The following AMER2 variants were observed in gnomAD, a reference collection of about 807,000 sequenced individuals.
The protein encoded by AMER2 is family with sequence similarity 123A.
In AMER2, 1 loss-of-function variant was observed where a neutral mutation model predicts 4.7. That is an observed-to-expected ratio of 0.21 (90% CI 0.07 to 1.00). AMER2 has a LOEUF of 1.00. Ranked by LOEUF, AMER2 falls within the 50% of genes least tolerant of loss-of-function variation. The probability of loss-of-function intolerance (pLI) is 0.60; values close to 1 mark genes in which losing one functional copy is unlikely to be tolerated. For missense variants in AMER2, 988 were observed against 966.9 expected (o/e 1.02, Z -0.29); for synonymous variants, 485 against 433.3 (o/e 1.12, Z -1.48).
chr13:25,171,210 G>C lies in AMER2; in HGVS notation c.410C>G (p.Pro137Arg). 7.2e-7 allele frequency: 1 copy of C among 1,385,608 alleles called. No individual in the cohort carries two copies. Among genetic ancestry groups the C allele is most frequent in the South Asian group, 1.8e-5 (1 of 56,004 alleles). 85.8% of individuals were successfully genotyped at this position (1,385,608 alleles called of 1,614,324 possible). Residue 137 changes from proline to arginine, a missense_variant, in exon 1 of 1, where the codon CCG becomes CGG. Physicochemically the swap from Pro to Arg is moderately radical, Grantham distance 103. Coordinates refer to ENST00000515384, the MANE Select transcript of AMER2 (RefSeq NM_152704.4). The surrounding 1 kb of genome is among the most constrained non-coding windows in gnomAD (Gnocchi z 5.9). ...TGCGGCTCTGGGGGGCCCCGGGTTCGGCCGCCCCCCGCCGCCCCCGCCGCT... is the reference window on the plus strand; with the variant it reads ...TGCGGCTCTGGGGGGCCCCGGGTTCCGCCGCCCCCCGCCGCCCCCGCCGCT... Reference protein sequence around the residue: ...GDSGGGGGGRPNPGPPRAAGP... With the variant: ...GDSGGGGGGRRNPGPPRAAGP...
Position 25,169,967 on chromosome 13 carries a change from G to A in AMER2, c.1653C>T (p.Ser551=), listed in dbSNP as rs375589201. The change falls in exon 1 of 1, where the codon AGC becomes AGT. Residue 551 remains serine, a synonymous_variant. Transcript: ENST00000515384. This position sits in a 1 kb window ranked among gnomAD's most constrained non-coding sequence, Gnocchi z 4.2. ...CATAGAGATCATAGAGCGCGTCCCCGCTGTAGCTATCCCGGGGGATGCCCG... is the reference window on the plus strand; with the variant it reads ...CATAGAGATCATAGAGCGCGTCCCCACTGTAGCTATCCCGGGGGATGCCCG... ...KKAGIPRDSY[S]GDALYDLYAD... 2 of 1,614,112 alleles carry A rather than the reference G, an allele frequency of 1.2e-6. No homozygotes were observed. The highest frequency in any genetic ancestry group is 1.7e-5 in the Admixed American group (1 of 60,024).
Position 25,166,494 on chromosome 13 carries a change from T to C in AMER2, c.*3110A>G, listed in dbSNP as rs1956480825. ...TAATATAGACATTCAAGTCAGGCTG[T>C]CTTTGTGCAGAGCTATTAAACCAAC... On this transcript the variant is annotated 3_prime_UTR_variant, in exon 1 of 1. Coordinates refer to ENST00000515384, the MANE Select transcript of AMER2 (RefSeq NM_152704.4). 6.6e-6 allele frequency: 1 copy of C among 152,258 alleles called. No individual in the cohort carries two copies. The highest frequency in any genetic ancestry group is 1.5e-5 in the Non-Finnish European group (1 of 68,052). The allele number at this position is 152,258 out of a possible 1,614,324, so 9.4% of individuals were successfully genotyped here.
Position 25,171,944 on chromosome 13 carries a change from C to T in AMER2, c.-325G>A, listed in dbSNP as rs1222819461. On this transcript the variant is annotated 5_prime_UTR_variant, in exon 1 of 1. It adds an upstream start codon to the 5' untranslated region. Transcript: ENST00000515384. The surrounding 1 kb of genome is among the most constrained non-coding windows in gnomAD (Gnocchi z 5.9). The stretch of plus-strand genomic sequence containing the variant: ...ATTCCTTCTCTAGACTCGCTCTTCA[C>T]GGGAGCGCAACCATGGATCACGAAA... 1.8e-5 allele frequency: 6 copies of T among 341,452 alleles called. No individual in the cohort carries two copies. Among genetic ancestry groups the T allele is most frequent in the South Asian group, 2.3e-4 (2 of 8,702 alleles). The allele number at this position is 341,452 out of a possible 1,614,324, so 21.2% of individuals were successfully genotyped here. A position where few individuals can be genotyped will look rare whatever the true frequency, so the allele number is the denominator to read the frequency against.
chr13:25,169,899 T>C lies in AMER2; in HGVS notation c.1721A>G (p.Asp574Gly). 1 of 1,614,158 alleles carries C rather than the reference T, an allele frequency of 6.2e-7. No individual in the cohort carries two copies. Among genetic ancestry groups the C allele is most frequent in the Non-Finnish European group, 8.5e-7 (1 of 1,180,016 alleles). The change falls in exon 1 of 1, where the codon GAC becomes GGC. Residue 574 changes from aspartate (D) to glycine (G), a missense_variant. Coordinates refer to ENST00000515384, the MANE Select transcript of AMER2 (RefSeq NM_152704.4). This position sits in a 1 kb window ranked among gnomAD's most constrained non-coding sequence, Gnocchi z 4.2. ...GSPATLPGGK[D>G]NEETSSLSRL... Reference sequence around the variant, plus strand: ...GGACAGGGAGGACGTCTCCTCGTTGTCCTTCCCTCCAGGAAGGGTTGCTGG... The same window carrying C: ...GGACAGGGAGGACGTCTCCTCGTTGCCCTTCCCTCCAGGAAGGGTTGCTGG...
rs1386802203 is a variant in AMER2, at chr13:25,164,632, G to T, written c.*4972C>A. On this transcript the variant is annotated 3_prime_UTR_variant, in exon 1 of 1. Transcript: ENST00000515384. ...GGAAAGGGATAGAAACAAAAAGGATGAATTAAAGCTGTCTTACTGGGGAGA... is the reference window on the plus strand; with the variant it reads ...GGAAAGGGATAGAAACAAAAAGGATTAATTAAAGCTGTCTTACTGGGGAGA... 6.7e-6 allele frequency: 1 copy of T among 149,414 alleles called. No homozygotes were observed. The highest frequency in any genetic ancestry group is 1.5e-5 in the Non-Finnish European group (1 of 67,578). 9.3% of individuals were successfully genotyped at this position (149,414 alleles called of 1,614,324 possible).
Position 25,170,168 on chromosome 13 carries a change from G to C in AMER2, c.1452C>G (p.Asp484Glu). ...KDTRCVEAAK[D>E]ASSVKRRRLN... ...GCCTCCTGCGCTTGACCGAGGACGC[G>C]TCCTTGGCCGCTTCCACACACCTGG... Residue 484 changes from aspartate to glutamate, a missense_variant, in exon 1 of 1, where the codon GAC becomes GAG. Transcript: ENST00000515384. The surrounding 1 kb of genome is among the most constrained non-coding windows in gnomAD (Gnocchi z 7.3). The C allele has an allele frequency of 1.2e-6, 2 of 1,613,696 alleles. No homozygotes were observed. The highest frequency in any genetic ancestry group is 1.1e-5 in the South Asian group (1 of 91,012).
chr13:25,171,287 C>T lies in AMER2; in HGVS notation c.333G>A (p.Glu111=), dbSNP rs769570249. Residue 111 remains glutamate, a synonymous_variant, in exon 1 of 1, where the codon GAG becomes GAA. Transcript: ENST00000515384. The surrounding 1 kb of genome is among the most constrained non-coding windows in gnomAD (Gnocchi z 5.9). ...VRSRTHDGLA[E]VLVLESGRKE... The stretch of plus-strand genomic sequence containing the variant: ...TCCTGCCGCTCTCCAGCACCAGCAC[C>T]TCGGCAAGTCCGTCGTGGGTCCTGC... 15 of 1,575,846 alleles carry T rather than the reference C, an allele frequency of 9.5e-6. No individual in the cohort carries two copies. Among genetic ancestry groups the T allele is most frequent in the Non-Finnish European group, 1.3e-5 (15 of 1,163,530 alleles).
At position 25,171,600 on chromosome 13, in the gene AMER2, C is replaced by T. The variant is rs768846115; in HGVS notation, c.20G>A (p.Arg7His). The T allele has an allele frequency of 2.0e-6, 3 of 1,493,628 alleles. No individual in the cohort carries two copies. Among genetic ancestry groups the T allele is most frequent in the African/African-American group, 1.4e-5 (1 of 69,598 alleles). The allele number at this position is 1,493,628 out of a possible 1,614,324, so 92.5% of individuals were successfully genotyped here. The change falls in exon 1 of 1, where the codon CGC becomes CAC. Residue 7 changes from arginine to histidine, a missense_variant. Transcript: ENST00000515384. The surrounding 1 kb of genome is among the most constrained non-coding windows in gnomAD (Gnocchi z 5.9). ...CTCGCTGACAGCCCCGCCGCCGCCGCGGCTCCGGCTCGTCTCCATGGAAAC... is the reference window on the plus strand; with the variant it reads ...CTCGCTGACAGCCCCGCCGCCGCCGTGGCTCCGGCTCGTCTCCATGGAAAC... METSRS[R>H]GGGGAVSERG...
chr13:25,171,272 C>G lies in AMER2; in HGVS notation c.348G>C (p.Glu116Asp), dbSNP rs1956572008. ...HDGLAEVLVLESGRKEEPRGG... is the reference protein window; with the variant it reads ...HDGLAEVLVLDSGRKEEPRGG... ...CGCGCGGCTCCTCCTTCCTGCCGCT[C>G]TCCAGCACCAGCACCTCGGCAAGTC... Residue 116 changes from glutamate (E) to aspartate (D), a missense_variant, in exon 1 of 1, where the codon GAG becomes GAC. Physicochemically the swap from Glu to Asp is conservative, Grantham distance 45 (BLOSUM62 2). Transcript: ENST00000515384. This position sits in a 1 kb window ranked among gnomAD's most constrained non-coding sequence, Gnocchi z 5.9. 2 of 1,556,536 alleles carry G rather than the reference C, an allele frequency of 1.3e-6. No homozygotes were observed. Among genetic ancestry groups the G allele is most frequent in the Non-Finnish European group, 1.7e-6 (2 of 1,154,702 alleles).
chr13:25,169,975 T>C lies in AMER2; in HGVS notation c.1645A>G (p.Ser549Gly). 1 of 1,614,116 alleles carries C rather than the reference T, an allele frequency of 6.2e-7. No homozygotes were observed. Among genetic ancestry groups the C allele is most frequent in the African/African-American group, 1.3e-5 (1 of 75,052 alleles). Residue 549 changes from serine (S) to glycine (G), a missense_variant, in exon 1 of 1, where the codon AGC becomes GGC. Transcript: ENST00000515384. The surrounding 1 kb of genome is among the most constrained non-coding windows in gnomAD (Gnocchi z 4.2). Reference sequence around the variant, plus strand: ...TCATAGAGCGCGTCCCCGCTGTAGCTATCCCGGGGGATGCCCGCCTTCTTC... The same window carrying C: ...TCATAGAGCGCGTCCCCGCTGTAGCCATCCCGGGGGATGCCCGCCTTCTTC... The part of the protein sequence containing the change: ...SGKKAGIPRD[S>G]YSGDALYDLY...
rs776887869 is a variant in AMER2 at position 25,171,494 on chromosome 13, G to A, written c.126C>T (p.Asp42=). Residue 42 remains aspartate (D), a synonymous_variant, in exon 1 of 1, where the codon GAC becomes GAT. Coordinates refer to ENST00000515384, the MANE Select transcript of AMER2 (RefSeq NM_152704.4). This position sits in a 1 kb window ranked among gnomAD's most constrained non-coding sequence, Gnocchi z 5.9. ...CGGCACAGTCACAATGCAAGTCCAT[G>A]TCTGCCGCGAGGGTCCCGGTCCCGG... is the stretch of plus-strand genomic sequence containing the variant. ...AGAGTGTLAA[D]MDLHCDCAAE... is the part of the protein sequence containing the mutation. 6 of 1,607,128 alleles carry A rather than the reference G, an allele frequency of 3.7e-6. No homozygotes were observed. The highest frequency in any genetic ancestry group is 3.3e-5 in the South Asian group (3 of 90,140).
chr13:25,170,641 C>A lies in AMER2; in HGVS notation c.979G>T (p.Val327Leu), dbSNP rs775754346. Residue 327 changes from valine to leucine, a missense_variant, in exon 1 of 1, where the codon GTA becomes TTA. Transcript: ENST00000515384. This position sits in a 1 kb window ranked among gnomAD's most constrained non-coding sequence, Gnocchi z 7.3. ...EDASRTGAVP[V>L]KTVPLVDSEG... ...GAGTCGACAAGGGGGACCGTCTTTA[C>A]GGGAACGGCCCCCGTCCTGGAAGCG... 3 of 1,554,412 alleles carry A rather than the reference C, an allele frequency of 1.9e-6. No individual in the cohort carries two copies. Among genetic ancestry groups the A allele is most frequent in the South Asian group, 1.2e-5 (1 of 84,590 alleles).
At position 25,171,806 on chromosome 13, in the gene AMER2, G is replaced by A; in HGVS notation, c.-187C>T. 1.7e-6 allele frequency: 2 copies of A among 1,200,734 alleles called. No homozygotes were observed. Among genetic ancestry groups the A allele is most frequent in the South Asian group, 5.6e-5 (2 of 35,722 alleles). The allele number at this position is 1,200,734 out of a possible 1,614,324, so 74.4% of individuals were successfully genotyped here. On this transcript the variant is annotated 5_prime_UTR_variant, in exon 1 of 1. The change creates a premature stop within an existing upstream ORF in the 5' untranslated region. Transcript: ENST00000515384. This position sits in a 1 kb window ranked among gnomAD's most constrained non-coding sequence, Gnocchi z 5.9. Reference sequence around the variant, plus strand: ...AACCCACTTCCATCCGACTTGGCTCGGCGCTGCATGGCGTTTTTGTGGCAG... The same window carrying A: ...AACCCACTTCCATCCGACTTGGCTCAGCGCTGCATGGCGTTTTTGTGGCAG...
chr13:25,171,259 C>T lies in AMER2; in HGVS notation c.361G>A (p.Glu121Lys), dbSNP rs1366799536. 3 of 1,481,184 alleles carry T rather than the reference C, an allele frequency of 2.0e-6. No homozygotes were observed. The highest frequency in any genetic ancestry group is 1.4e-5 in the South Asian group (1 of 70,550). 91.8% of individuals were successfully genotyped at this position (1,481,184 alleles called of 1,614,324 possible). A position where few individuals can be genotyped will look rare whatever the true frequency, so the allele number is the denominator to read the frequency against. Reference protein sequence around the residue: ...EVLVLESGRKEEPRGGGDSGG... With the variant: ...EVLVLESGRKKEPRGGGDSGG... Reference sequence around the variant, plus strand: ...CTGTCGCCCCCGCCGCGCGGCTCCTCCTTCCTGCCGCTCTCCAGCACCAGC... The same window carrying T: ...CTGTCGCCCCCGCCGCGCGGCTCCTTCTTCCTGCCGCTCTCCAGCACCAGC... The change falls in exon 1 of 1, where the codon GAG becomes AAG. Residue 121 changes from glutamate (E) to lysine (K), a missense_variant. Glu to Lys is a moderately conservative substitution (Grantham distance 56). Coordinates refer to ENST00000515384, the MANE Select transcript of AMER2 (RefSeq NM_152704.4). The surrounding 1 kb of genome is among the most constrained non-coding windows in gnomAD (Gnocchi z 5.9).
Position 25,169,371 on chromosome 13 carries a change from T to C in AMER2, c.*233A>G. The C allele has an allele frequency of 2.3e-6, 1 of 434,724 alleles. No individual in the cohort carries two copies. Among genetic ancestry groups the C allele is most frequent in the Non-Finnish European group, 3.9e-6 (1 of 254,716 alleles). The allele number at this position is 434,724 out of a possible 1,614,324, so 26.9% of individuals were successfully genotyped here. Reference sequence around the variant, plus strand: ...AAAAGAAAAAAGTGCTTGAAAATAATTCTCAGGGACTTATCTTGAGAGGAG... The same window carrying C: ...AAAAGAAAAAAGTGCTTGAAAATAACTCTCAGGGACTTATCTTGAGAGGAG... On this transcript the variant is annotated 3_prime_UTR_variant, in exon 1 of 1. Coordinates refer to ENST00000515384, the MANE Select transcript of AMER2 (RefSeq NM_152704.4). This position sits in a 1 kb window ranked among gnomAD's most constrained non-coding sequence, Gnocchi z 4.2.
At position 25,163,715 on chromosome 13, in the gene AMER2, G is replaced by C. The variant is rs985915120; in HGVS notation, c.*5889C>G. On this transcript the variant is annotated 3_prime_UTR_variant, in exon 1 of 1. Transcript: ENST00000515384. ...GGAAATGAGGAGCTGCTGTTCAATG[G>C]GCACAGAGTTTCAGTTACGCAGGAT... 3 of 151,596 alleles carry C rather than the reference G, an allele frequency of 2.0e-5. No homozygotes were observed. Among genetic ancestry groups the C allele is most frequent in the African/African-American group, 7.3e-5 (3 of 41,192 alleles). The allele number at this position is 151,596 out of a possible 1,614,324, so 9.4% of individuals were successfully genotyped here. A position where few individuals can be genotyped will look rare whatever the true frequency, so the allele number is the denominator to read the frequency against.
At position 25,171,020 on chromosome 13, in the gene AMER2, G is replaced by A; in HGVS notation, c.600C>T (p.Gly200=). 1 of 1,569,658 alleles carries A rather than the reference G, an allele frequency of 6.4e-7. No individual in the cohort carries two copies. Among genetic ancestry groups the A allele is most frequent in the Non-Finnish European group, 8.6e-7 (1 of 1,159,428 alleles). The part of the protein sequence containing the change: ...QKRGLRGLFS[G]MRWHRKDKRA... ...GCTTGTCTTTCCTGTGCCAGCGCATGCCGCTGAACAGCCCCCGCAGCCCCC... is the reference window on the plus strand; with the variant it reads ...GCTTGTCTTTCCTGTGCCAGCGCATACCGCTGAACAGCCCCCGCAGCCCCC... Residue 200 remains glycine, a synonymous_variant, in exon 1 of 1, where the codon GGC becomes GGT. Transcript: ENST00000515384. This position sits in a 1 kb window ranked among gnomAD's most constrained non-coding sequence, Gnocchi z 5.9.
At position 25,171,601 on chromosome 13, in the gene AMER2, G is replaced by C; in HGVS notation, c.19C>G (p.Arg7Gly). 9 of 1,492,224 alleles carry C rather than the reference G, an allele frequency of 6.0e-6. No individual in the cohort carries two copies. Among genetic ancestry groups the C allele is most frequent in the Non-Finnish European group, 7.9e-6 (9 of 1,134,770 alleles). 92.4% of individuals were successfully genotyped at this position (1,492,224 alleles called of 1,614,324 possible). Residue 7 changes from arginine (R) to glycine (G), a missense_variant, in exon 1 of 1, where the codon CGC (arginine) becomes GGC (glycine). Coordinates refer to ENST00000515384, the MANE Select transcript of AMER2 (RefSeq NM_152704.4). This position sits in a 1 kb window ranked among gnomAD's most constrained non-coding sequence, Gnocchi z 5.9. METSRS[R>G]GGGGAVSERG... ...TCGCTGACAGCCCCGCCGCCGCCGC[G>C]GCTCCGGCTCGTCTCCATGGAAACC...
At position 25,163,216 on chromosome 13, in the gene AMER2, A is replaced by C. The variant is rs961746797; in HGVS notation, c.*6388T>G. ...TTGGAACCCTTGTGCACCATTGGTA[A>C]GTATGTAAACAGATGCAACCACTGT... On this transcript the variant is annotated 3_prime_UTR_variant, in exon 1 of 1. Transcript: ENST00000515384. 6.6e-6 allele frequency: 1 copy of C among 152,274 alleles called. No individual in the cohort carries two copies. Among genetic ancestry groups the C allele is most frequent in the African/African-American group, 2.4e-5 (1 of 41,470 alleles). The allele number at this position is 152,274 out of a possible 1,614,324, so 9.4% of individuals were successfully genotyped here.
Sources: allele counts gnomAD v4.1 joint callset, GRCh38; gene constraint gnomAD v4.1.1; non-coding constraint Gnocchi (gnomAD v3.1); transcripts MANE v1.5; gene names NCBI Gene and HGNC (gene_info 2026-07-23, HGNC 2026-07-21).